PTPRM: variants seen among roughly 807,000 people sequenced by gnomAD.
PTPRM encodes receptor-type tyrosine-protein phosphatase mu.
A neutral mutation model predicts 186.7 loss-of-function variants in PTPRM; 47 were observed. That is an observed-to-expected ratio of 0.25 (90% CI 0.20 to 0.32). The LOEUF (loss-of-function observed/expected upper bound fraction) is 0.32, where lower values mean the gene tolerates loss of function less well. PTPRM is among the 10% of genes least tolerant of loss of function. The pLI, the probability that PTPRM is intolerant of heterozygous loss-of-function variation, is 1.00. For synonymous variants in PTPRM, 668 were observed against 674.9 expected (o/e 0.99, Z 0.16); for missense variants, 1,494 against 1,865.0 (o/e 0.80, Z 3.66).
chr18:7,618,074 T>C (rs9962575), intron 1 of PTPRM, among the ~76,000 whole-genome samples: 9,660 of 152,244 alleles, frequency 0.063, 1,051 homozygotes, highest in African/African-American at 0.22. Context: ...ATTGGAAATA[T>C]TATTCCACTG....
chr18:8,334,568 T>C (rs1781960845), intron 22 of PTPRM, among the ~76,000 whole-genome samples: 1 of 152,258 alleles, frequency 6.6e-6, no homozygotes, highest in African/African-American at 2.4e-5. Flanking sequence ...TGGACATTTC[T>C]GCTGCAGATC....
At chr18:8,214,898 A>T (rs2146999844) in intron 14 of PTPRM, among the ~76,000 whole-genome samples, 1 of 152,260 alleles carries the variant, frequency 6.6e-6, no homozygotes, top group Admixed American at 6.5e-5. Flanking sequence ...CCTGACCTCA[A>T]GTGATCTGCC....
intron 3 of PTPRM, among the ~76,000 whole-genome samples, chr18:7,890,545 G>A (rs1283771317): frequency 6.6e-6 from 1 of 152,096 alleles, no homozygotes; most frequent in Non-Finnish European, 1.5e-5. Context: ...TGAAGACATA[G>A]GGAAAGCTCT....
chr18:7,667,106 C>A (rs2039113619), intron 1 of PTPRM, among the ~76,000 whole-genome samples: 1 of 152,172 alleles, frequency 6.6e-6, no homozygotes, highest in African/African-American at 2.4e-5. Flanking sequence ...GTTAGGATTT[C>A]ATTACGACTG....
chr18:8,194,603 G>A (rs1173215013), intron 14 of PTPRM, among the ~76,000 whole-genome samples: 1 of 152,174 alleles, frequency 6.6e-6, no homozygotes, highest in Admixed American at 6.5e-5. Context: ...GGCCTTACTG[G>A]TTTGTTGTGA....
At chr18:7,868,451 C>T (rs891165083) in intron 2 of PTPRM, among the ~76,000 whole-genome samples, 2 of 152,190 alleles carry the variant, frequency 1.3e-5, no homozygotes, top group Admixed American at 6.5e-5. Context: ...AACATTCGGA[C>T]CCCTCTGCTG....
At chr18:8,309,727 A>T (rs952337015) in intron 20 of PTPRM, among the ~76,000 whole-genome samples, 13 of 152,102 alleles carry the variant, frequency 8.5e-5, no homozygotes, top group African/African-American at 3.1e-4. Flanking sequence ...ATAATAATAA[A>T]AATGTCATGT....
intron 1 of PTPRM, among the ~76,000 whole-genome samples, chr18:7,748,058 T>G (rs2041038191): frequency 6.6e-6 from 1 of 152,186 alleles, no homozygotes; most frequent in Non-Finnish European, 1.5e-5. Flanking sequence ...ATGATTTTAT[T>G]TGGGTACGTG....
At chr18:8,004,552 C>T (rs1354334703) in intron 7 of PTPRM, among the ~76,000 whole-genome samples, 1 of 151,852 alleles carries the variant, frequency 6.6e-6, no homozygotes, top group Non-Finnish European at 1.5e-5. Context: ...CTTGCAGCCC[C>T]CAGTAATTCA....
At chr18:7,794,283 A>G (rs9953664) in intron 2 of PTPRM, among the ~76,000 whole-genome samples, 12,621 of 152,206 alleles carry the variant, frequency 0.083, 1,571 homozygotes, top group African/African-American at 0.27. Flanking sequence ...CACCTGTAAC[A>G]CATGCCCACT....
chr18:7,964,122 G>A (rs1445833893), intron 7 of PTPRM, among the ~76,000 whole-genome samples: 1 of 152,174 alleles, frequency 6.6e-6, no homozygotes, highest in East Asian at 1.9e-4. Context: ...ATAATGTGGA[G>A]AGGTTATATT....
intron 1 of PTPRM, among the ~76,000 whole-genome samples, chr18:7,613,645 C>A (rs1165360215): frequency 6.6e-6 from 1 of 151,860 alleles, no homozygotes; most frequent in Non-Finnish European, 1.5e-5. Flanking sequence ...TGCACTACAG[C>A]CTGGGTGACA....
At chr18:8,212,578 G>A (rs2146974642) in intron 14 of PTPRM, among the ~76,000 whole-genome samples, 1 of 152,284 alleles carries the variant, frequency 6.6e-6, no homozygotes, top group East Asian at 1.9e-4. Context: ...GCCAAGGCAG[G>A]AGGATAGCTT....
chr18:7,982,161 T>C (rs992286987), intron 7 of PTPRM, among the ~76,000 whole-genome samples: 1 of 152,208 alleles, frequency 6.6e-6, no homozygotes, highest in Non-Finnish European at 1.5e-5. Flanking sequence ...CAATGCATTT[T>C]TCATTGTTTG....
At chr18:7,691,311 T>A (rs186849461) in intron 1 of PTPRM, among the ~76,000 whole-genome samples, 7 of 152,324 alleles carry the variant, frequency 4.6e-5, no homozygotes, top group Non-Finnish European at 8.8e-5. Context: ...TATATGTCTA[T>A]ATTTTGAGAT....
intron 15 of PTPRM, among the ~76,000 whole-genome samples, chr18:8,246,039 C>T (rs998256871): frequency 6.6e-6 from 1 of 152,158 alleles, no homozygotes; most frequent in Admixed American, 6.5e-5. Flanking sequence ...AGGAACACAG[C>T]AGTAGACTTT....
At chr18:8,020,809 A>G (rs1209376789) in intron 7 of PTPRM, among the ~76,000 whole-genome samples, 1 of 152,136 alleles carries the variant, frequency 6.6e-6, no homozygotes, top group African/African-American at 2.4e-5. Flanking sequence ...GTCAACACCC[A>G]TTTTTGCATG....
chr18:8,263,514 T>C (rs1356909918), intron 19 of PTPRM, among the ~76,000 whole-genome samples: 2 of 152,232 alleles, frequency 1.3e-5, no homozygotes, highest in Non-Finnish European at 2.9e-5. Flanking sequence ...CACTGAGCTC[T>C]TAAAACCCTT....
chr18:8,063,372 C>T (rs368028442), intron 7 of PTPRM, among the ~76,000 whole-genome samples: 14 of 151,348 alleles, frequency 9.3e-5, no homozygotes, highest in South Asian at 4.2e-4. Flanking sequence ...GAGATGAACC[C>T]GGTACCTCAG....
Sources: gnomAD v4.1 joint callset for allele counts (sites outside exome capture counted in the v4.1 genomes callset) on GRCh38, gnomAD v4.1.1 for gene constraint, MANE v1.5 for transcripts, NCBI Gene and HGNC (gene_info 2026-07-23, HGNC 2026-07-21) for gene names.